AGAP1: variants seen among roughly 807,000 people sequenced by gnomAD.
AGAP1 encodes the protein ArfGAP with GTPase domain, ankyrin repeat and PH domain 1.
A neutral mutation model predicts 105.3 loss-of-function variants in AGAP1; 29 were observed. That is an observed-to-expected ratio of 0.28 (90% CI 0.21 to 0.38). The LOEUF is 0.38. Ranked by LOEUF, AGAP1 falls within the 10% of genes least tolerant of loss-of-function variation. The probability of loss-of-function intolerance (pLI) is 1.00; values close to 1 mark genes in which losing one functional copy is unlikely to be tolerated. For missense variants in AGAP1, 998 were observed against 1,165.1 expected (o/e 0.86, Z 2.09); for synonymous variants, 509 against 485.9 (o/e 1.05, Z -0.63).
intron 11 of AGAP1, among the ~76,000 whole-genome samples, chr2:235,917,919 G>T (rs992803379): frequency 2.6e-5 from 4 of 152,144 alleles, no homozygotes; most frequent in African/African-American, 9.7e-5. Flanking sequence ...TGTTTCAGTG[G>T]TAATAGCTAT....
intron 1 of AGAP1, among the ~76,000 whole-genome samples, chr2:235,648,360 A>G (rs1008646327): frequency 6.6e-6 from 1 of 152,056 alleles, no homozygotes; most frequent in African/African-American, 2.4e-5. Flanking sequence ...CCAGTGTTGC[A>G]TTCTCCCTTC....
At chr2:235,591,410 A>G (rs1945335344) in intron 1 of AGAP1, among the ~76,000 whole-genome samples, 1 of 152,178 alleles carries the variant, frequency 6.6e-6, no homozygotes, top group Non-Finnish European at 1.5e-5. Context: ...TCTTGGTGTG[A>G]AACGCAGTGG....
rs1956853526 is a variant in AGAP1, at chr2:235,789,577, T to C, written c.674-8182T>C. Among the ~76,000 whole-genome samples, 1 of 152,208 alleles carries C rather than the reference T, an allele frequency of 6.6e-6. No individual in the cohort carries two copies. Among genetic ancestry groups the C allele is most frequent in the African/African-American group, 2.4e-5 (1 of 41,452 alleles). On this transcript the variant is annotated intron_variant, in intron 6 of 17. Coordinates refer to ENST00000304032, the MANE Select transcript of AGAP1 (RefSeq NM_001037131.3). The surrounding 1 kb of genome is among the most constrained non-coding windows in gnomAD (Gnocchi z 4.2). ...TTCACTAGAAGAAATTTAAGCAAGC[T>C]TGGCTTTTTAACCACAGCCTATTTT...
intron 13 of AGAP1, among the ~76,000 whole-genome samples, chr2:236,013,266 G>A (rs1299790493): frequency 6.6e-6 from 1 of 152,192 alleles, no homozygotes; most frequent in African/African-American, 2.4e-5. Flanking sequence ...AAGAAATCCA[G>A]TGTAGTTAGA....
In AGAP1 at chr2:236,113,538, G is replaced by A. The variant is rs1381026264; in HGVS notation, c.2115-6654G>A. Among the ~76,000 whole-genome samples, 1 of 152,196 alleles carries A rather than the reference G, an allele frequency of 6.6e-6. No individual in the cohort carries two copies. The highest frequency in any genetic ancestry group is 1.5e-5 in the Non-Finnish European group (1 of 68,042). The stretch of plus-strand genomic sequence containing the variant: ...CCTTAAGCCCACACTAAGTGCTCCG[G>A]TTACATGGAGATTACACCTTGCCAG... On this transcript the variant is annotated intron_variant, in intron 16 of 17. Transcript: ENST00000304032. This position sits in a 1 kb window ranked among gnomAD's most constrained non-coding sequence, Gnocchi z 4.3.
chr2:235,969,921 G>A lies in AGAP1; in HGVS notation c.1645+1298G>A, dbSNP rs184176903. On this transcript the variant is annotated intron_variant, in intron 13 of 17. Coordinates refer to ENST00000304032, the MANE Select transcript of AGAP1 (RefSeq NM_001037131.3). ...TTTAGCCAATAAAAACTGATTTTTCGTCGGGCACGGTGGCTCACGCCTGTA... is the reference window on the plus strand; with the variant it reads ...TTTAGCCAATAAAAACTGATTTTTCATCGGGCACGGTGGCTCACGCCTGTA... Among the ~76,000 whole-genome samples the A allele has an allele frequency of 3.2e-4, 48 of 152,206 alleles. No homozygotes were observed. In the South Asian group the frequency reaches 6.4e-3, roughly 20 times the overall value.
At chr2:235,857,841 C>T (rs969791068) in intron 9 of AGAP1, among the ~76,000 whole-genome samples, 1 of 152,186 alleles carries the variant, frequency 6.6e-6, no homozygotes, top group Admixed American at 6.5e-5. Context: ...CCAGTAAAAG[C>T]GCTGGAAGAA....
chr2:235,848,430 T>TC (rs1961768869), intron 9 of AGAP1, among the ~76,000 whole-genome samples: 1 of 152,242 alleles, frequency 6.6e-6, no homozygotes. Flanking sequence ...CACTGGGAGC[T>TC]ATTCAGCTGC....
chr2:235,784,615 A>AAAC (rs1956500111), intron 6 of AGAP1, among the ~76,000 whole-genome samples: 1 of 147,482 alleles, frequency 6.8e-6, no homozygotes, highest in Non-Finnish European at 1.5e-5. Flanking sequence ...AAAAAAAAAA[A>AAAC]ACCATGAAAA....
At position 235,689,998 on chromosome 2, in the gene AGAP1, A is replaced by G. The variant is rs191408759; in HGVS notation, c.164-19181A>G. On this transcript the variant is annotated intron_variant, in intron 1 of 17. Transcript: ENST00000304032. This position sits in a 1 kb window ranked among gnomAD's most constrained non-coding sequence, Gnocchi z 4.2. ...GATGGTAAATAGATCGCGTTGTTGCATGCGTTTGATGAAAGTGATATCACA... is the reference window on the plus strand; with the variant it reads ...GATGGTAAATAGATCGCGTTGTTGCGTGCGTTTGATGAAAGTGATATCACA... Among the ~76,000 whole-genome samples the G allele has an allele frequency of 5.4e-4, 82 of 152,100 alleles. No homozygotes were observed. Among genetic ancestry groups the G allele is most frequent in the Middle Eastern group, 3.4e-3 (1 of 294 alleles).
chr2:236,085,825 T>C (rs980020413), intron 16 of AGAP1, among the ~76,000 whole-genome samples: 2 of 152,218 alleles, frequency 1.3e-5, no homozygotes, highest in East Asian at 1.9e-4. Flanking sequence ...CCGGCTTCCT[T>C]TGTGAAGGCA....
rs374252971 is a variant in AGAP1, at chr2:235,691,261, C to T, written c.164-17918C>T. Among the ~76,000 whole-genome samples the T allele has an allele frequency of 2.0e-4, 31 of 152,270 alleles. No individual in the cohort carries two copies. The East Asian group carries it at 5.4e-3, about 27-fold the overall frequency. On this transcript the variant is annotated intron_variant, in intron 1 of 17. Coordinates refer to ENST00000304032, the MANE Select transcript of AGAP1 (RefSeq NM_001037131.3). This position sits in a 1 kb window ranked among gnomAD's most constrained non-coding sequence, Gnocchi z 4.4. ...CATGCGCATAGGGCTCTGTGCCTGGCCCCAGGACTGTCATATCCAGGGAAA... is the reference window on the plus strand; with the variant it reads ...CATGCGCATAGGGCTCTGTGCCTGGTCCCAGGACTGTCATATCCAGGGAAA...
At chr2:235,585,585 T>A (rs766506038) in intron 1 of AGAP1, among the ~76,000 whole-genome samples, 1 of 152,222 alleles carries the variant, frequency 6.6e-6, no homozygotes, top group South Asian at 2.1e-4. Flanking sequence ...ATTTTGTCTC[T>A]TTGAGTTCTA....
intron 1 of AGAP1, among the ~76,000 whole-genome samples, chr2:235,661,480 A>G (rs1346271005): frequency 7.2e-6 from 1 of 138,664 alleles, no homozygotes; most frequent in African/African-American, 2.8e-5. Context: ...TGGGGCAGTG[A>G]TAGTTTCAAG....
At chr2:235,765,732 C>T (rs2149811752) in intron 6 of AGAP1, among the ~76,000 whole-genome samples, 1 of 152,308 alleles carries the variant, frequency 6.6e-6, no homozygotes, top group South Asian at 2.1e-4. Flanking sequence ...TCTTTATGGT[C>T]TGTGAATTCT....
Position 235,777,603 on chromosome 2 carries a change from C to T in AGAP1, c.674-20156C>T, listed in dbSNP as rs967528049. 1.3e-5 allele frequency among the ~76,000 whole-genome samples: 2 copies of T among 152,176 alleles called. No individual in the cohort carries two copies. Among genetic ancestry groups the T allele is most frequent in the Admixed American group, 6.5e-5 (1 of 15,276 alleles). On this transcript the variant is annotated intron_variant, in intron 6 of 17. Coordinates refer to ENST00000304032, the MANE Select transcript of AGAP1 (RefSeq NM_001037131.3). This position sits in a 1 kb window ranked among gnomAD's most constrained non-coding sequence, Gnocchi z 5.1. ...GAGTCACAGCTGTCTCACCTGCACCCCTCCAATCGCCTTCTCAGAATCCGA... is the reference window on the plus strand; with the variant it reads ...GAGTCACAGCTGTCTCACCTGCACCTCTCCAATCGCCTTCTCAGAATCCGA...
rs1175580433 is a variant in AGAP1, at chr2:235,959,892, G to A, written c.1484-8570G>A. ...ATGTGGCTTCTCTAAGGGCTTGAGTGCCTCCCTTTTGGGCCACCGTAGACA... is the reference window on the plus strand; with the variant it reads ...ATGTGGCTTCTCTAAGGGCTTGAGTACCTCCCTTTTGGGCCACCGTAGACA... On this transcript the variant is annotated intron_variant, in intron 12 of 17. Coordinates refer to ENST00000304032, the MANE Select transcript of AGAP1 (RefSeq NM_001037131.3). This position sits in a 1 kb window ranked among gnomAD's most constrained non-coding sequence, Gnocchi z 7.3. Among the ~76,000 whole-genome samples the A allele has an allele frequency of 1.3e-5, 2 of 152,052 alleles. No individual in the cohort carries two copies. Among genetic ancestry groups the A allele is most frequent in the African/African-American group, 4.8e-5 (2 of 41,422 alleles).
chr2:235,991,077 T>A (rs1002357108), intron 13 of AGAP1, among the ~76,000 whole-genome samples: 7 of 152,196 alleles, frequency 4.6e-5, no homozygotes. Context: ...CACCTTAAAC[T>A]GAGTACTTGT....
At chr2:235,661,643 G>A (rs1309749441) in intron 1 of AGAP1, among the ~76,000 whole-genome samples, 44 of 152,164 alleles carry the variant, frequency 2.9e-4, no homozygotes, top group Non-Finnish European at 1.5e-5. Flanking sequence ...GAATCTCCGG[G>A]AGACATGGAG....
Sources: allele counts gnomAD v4.1 joint callset (sites outside exome capture counted in the v4.1 genomes callset), GRCh38; gene constraint gnomAD v4.1.1; non-coding constraint Gnocchi (gnomAD v3.1); transcripts MANE v1.5; gene names NCBI Gene and HGNC (gene_info 2026-07-23, HGNC 2026-07-21).